RAPGEF4: variants seen among roughly 807,000 people sequenced by gnomAD.
RAPGEF4 encodes RAP guanine-nucleotide-exchange factor (GEF) 4.
Under a neutral mutation model 147.9 loss-of-function variants are expected in RAPGEF4, and 66 were observed. The ratio of observed to expected loss-of-function variants is 0.45; its 90% CI spans 0.37 to 0.55. The LOEUF (loss-of-function observed/expected upper bound fraction) is 0.55. Ranked by LOEUF, RAPGEF4 falls within the 20% of genes least tolerant of loss-of-function variation. The pLI, the probability that RAPGEF4 is intolerant of heterozygous loss-of-function variation, is 0.00. For synonymous variants in RAPGEF4, 419 were observed against 442.7 expected, an observed-to-expected ratio of 0.95 and a Z score of 0.67; for missense variants, 1,071 against 1,257.3, an observed-to-expected ratio of 0.85 and a Z score of 2.24.
intron 15 of RAPGEF4, among the ~76,000 whole-genome samples, chr2:172,992,007 C>G (rs181357832): frequency 6.6e-6 from 1 of 152,274 alleles, no homozygotes; most frequent in Admixed American, 6.5e-5. Flanking sequence ...GTTACTTGCC[C>G]AAGGTCTCAA....
intron 6 of RAPGEF4, among the ~76,000 whole-genome samples, chr2:172,952,834 C>G (rs1476408290): frequency 1.3e-5 from 2 of 152,170 alleles, no homozygotes; most frequent in Non-Finnish European, 2.9e-5. Flanking sequence ...TTGAAGCTGC[C>G]TCTCTCCACT....
chr2:172,936,912 G>A (rs1053123949), intron 6 of RAPGEF4, among the ~76,000 whole-genome samples: 3 of 151,474 alleles, frequency 2.0e-5, no homozygotes, highest in Non-Finnish European at 1.5e-5. Context: ...AAAGTCCATA[G>A]TTTAAGGCTG....
intron 1 of RAPGEF4, among the ~76,000 whole-genome samples, chr2:172,763,482 G>A (rs1269758456): frequency 1.3e-5 from 2 of 152,152 alleles, no homozygotes; most frequent in Non-Finnish European, 2.9e-5. Context: ...ATACACAGGG[G>A]AGATCAGATC....
At chr2:172,865,208 T>C (rs903758180) in intron 4 of RAPGEF4, among the ~76,000 whole-genome samples, 22 of 152,294 alleles carry the variant, frequency 1.4e-4, no homozygotes, top group African/African-American at 5.1e-4. Context: ...ATTCTCCTAA[T>C]GCATTTCTAC....
In RAPGEF4 at chr2:173,036,172, G is replaced by A. The variant is rs1575577619; in HGVS notation, c.2748G>A (p.Leu916=). ...CCTACAGGCTGACAGTAGCTAAGCT[G>A]GAACCTCCTCTCATCCCCTTCATGC... is the stretch of plus-strand genomic sequence containing the variant. ...HRAYRLTVAK[L]EPPLIPFMPL... Residue 916 remains leucine, a synonymous_variant, in exon 28 of 31, where the codon CTG becomes CTA. Transcript: ENST00000397081. 6 of 1,613,118 alleles carry A rather than the reference G, an allele frequency of 3.7e-6. No individual in the cohort carries two copies. Among genetic ancestry groups the A allele is most frequent in the Non-Finnish European group, 5.1e-6 (6 of 1,179,462 alleles).
In RAPGEF4 at chr2:173,001,326, G is replaced by A. The variant is rs1448701596; in HGVS notation, c.1640G>A (p.Cys547Tyr). The A allele has an allele frequency of 2.5e-6, 4 of 1,613,748 alleles. No homozygotes were observed. Among genetic ancestry groups the A allele is most frequent in the Non-Finnish European group, 3.4e-6 (4 of 1,179,912 alleles). Reference sequence around the variant, plus strand: ...GTTTTTATGCCAAATACCCAGCTTTGCCCGGCACTGGTGGCCCAATATCCT... The same window carrying A: ...GTTTTTATGCCAAATACCCAGCTTTACCCGGCACTGGTGGCCCAATATCCT... ...HCVFMPNTQL[C>Y]PALVAHYHAQ... Residue 547 changes from cysteine to tyrosine, a missense_variant, in exon 17 of 31, where the codon TGC becomes TAC. Cys to Tyr is a radical substitution (Grantham distance 194, BLOSUM62 -2). Transcript: ENST00000397081.
At chr2:172,934,881 G>A (rs1191227721) in intron 6 of RAPGEF4, among the ~76,000 whole-genome samples, 2 of 152,068 alleles carry the variant, frequency 1.3e-5, no homozygotes, top group African/African-American at 2.4e-5. Context: ...AAGCCACCTC[G>A]AAAGCAAACA....
intron 4 of RAPGEF4, among the ~76,000 whole-genome samples, chr2:172,852,952 C>T (rs1693025276): frequency 6.6e-6 from 1 of 151,996 alleles, no homozygotes; most frequent in Non-Finnish European, 1.5e-5. Context: ...AACAGTGTTA[C>T]ATTCCTGAAA....
rs1275647773 is a variant in RAPGEF4 at position 173,030,245 on chromosome 2, A to G, written c.2640A>G (p.Leu880=). ...ACGTTGCTGTGAGCCGCTTGGCACTAACGTGGGAGGTAAGCTTCAGCTAGG... is the reference window on the plus strand; with the variant it reads ...ACGTTGCTGTGAGCCGCTTGGCACTGACGTGGGAGGTAAGCTTCAGCTAGG... The part of the protein sequence containing the change: ...LSNVAVSRLA[L]TWEKLPSKFK... Residue 880 remains leucine (L), a synonymous_variant, in exon 26 of 31, where the codon CTA becomes CTG. Coordinates refer to ENST00000397081, the MANE Select transcript of RAPGEF4 (RefSeq NM_007023.4). The G allele has an allele frequency of 6.2e-7, 1 of 1,611,612 alleles. No individual in the cohort carries two copies.
intron 14 of RAPGEF4, among the ~76,000 whole-genome samples, chr2:172,989,832 C>G (rs1356577255): frequency 6.6e-6 from 1 of 152,050 alleles, no homozygotes; most frequent in African/African-American, 2.4e-5. Flanking sequence ...CATCCCTATC[C>G]CCTCCTGAAG....
intron 1 of RAPGEF4, among the ~76,000 whole-genome samples, chr2:172,774,214 C>A (rs1248678505): frequency 6.6e-6 from 1 of 152,154 alleles, no homozygotes; most frequent in Non-Finnish European, 1.5e-5. Context: ...CTTTCCATAC[C>A]TTTTGCCCCT....
At chr2:172,942,643 A>G (rs1276213742) in intron 6 of RAPGEF4, among the ~76,000 whole-genome samples, 1 of 152,058 alleles carries the variant, frequency 6.6e-6, no homozygotes, top group Admixed American at 6.6e-5. Context: ...AGGGAAGTGC[A>G]GAATGCTCTG....
rs1277802690 is a variant in RAPGEF4 at position 172,831,394 on chromosome 2, GAGT to G, written c.444+16972_444+16974del. On this transcript the variant is annotated intron_variant, in intron 4 of 30. Transcript: ENST00000397081. Reference sequence around the variant, plus strand: ...AGCAATTCTCCCGCCTCAGCCTCCTGAGTAGCTGGGATTACAGGTGCCTGCCAC... The same window carrying G: ...AGCAATTCTCCCGCCTCAGCCTCCTGAGCTGGGATTACAGGTGCCTGCCAC... Among the ~76,000 whole-genome samples the G allele has an allele frequency of 7.4e-5, 11 of 148,556 alleles. No homozygotes were observed. The East Asian group carries it at 1.4e-3, about 20-fold the overall frequency.
chr2:173,013,428 T>C (rs898049486), intron 17 of RAPGEF4, among the ~76,000 whole-genome samples: 3 of 152,254 alleles, frequency 2.0e-5, no homozygotes, highest in African/African-American at 7.2e-5. Flanking sequence ...AGCGACACTT[T>C]CATCACAAGG....
At chr2:172,930,986 A>G (rs1685860304) in intron 6 of RAPGEF4, among the ~76,000 whole-genome samples, 1 of 152,104 alleles carries the variant, frequency 6.6e-6, no homozygotes, top group Non-Finnish European at 1.5e-5. Context: ...GACGGGGTTC[A>G]ATACTCATTC....
chr2:172,945,923 T>C (rs1417992953), intron 6 of RAPGEF4, among the ~76,000 whole-genome samples: 1 of 152,182 alleles, frequency 6.6e-6, no homozygotes. Context: ...AATTTGACAA[T>C]GTGCATTTGG....
At chr2:172,820,362 C>T (rs1688949550) in intron 4 of RAPGEF4, among the ~76,000 whole-genome samples, 1 of 152,134 alleles carries the variant, frequency 6.6e-6, no homozygotes, top group Admixed American at 6.5e-5. Flanking sequence ...AATAATAACA[C>T]ATATTTATGA....
At chr2:172,761,079 G>A (rs937954646) in intron 1 of RAPGEF4, among the ~76,000 whole-genome samples, 1 of 149,912 alleles carries the variant, frequency 6.7e-6, no homozygotes, top group Non-Finnish European at 1.5e-5. Flanking sequence ...ATGGAGCCCA[G>A]AATGAAGTGG....
chr2:172,980,680 C>A (rs190154354), intron 10 of RAPGEF4, among the ~76,000 whole-genome samples: 1 of 152,120 alleles, frequency 6.6e-6, no homozygotes, highest in Non-Finnish European at 1.5e-5. Context: ...CTAGCTGTTA[C>A]GGCTCAAAGG....
Sources: allele counts gnomAD v4.1 joint callset (sites outside exome capture counted in the v4.1 genomes callset), GRCh38; gene constraint gnomAD v4.1.1; transcripts MANE v1.5; gene names NCBI Gene and HGNC (gene_info 2026-07-23, HGNC 2026-07-21).